Variants in MBTD1 observed in about 807,000 individuals in gnomAD.
MBTD1 encodes mbt domain containing 1, also known as MBT domain-containing protein 1.
A neutral mutation model predicts 87.8 loss-of-function variants in MBTD1; 24 were observed. That is an observed-to-expected ratio of 0.27 (90% CI 0.20 to 0.38). MBTD1 has a LOEUF of 0.38. Among genes scored for constraint, MBTD1 ranks in the 10% least tolerant of loss-of-function variants. The pLI is 1.00. For synonymous variants in MBTD1, 237 were observed against 248.6 expected, an observed-to-expected ratio of 0.95 and a Z score of 0.44; for missense variants, 436 against 760.2, an observed-to-expected ratio of 0.57 and a Z score of 5.02.
rs190596624 is a variant in MBTD1 at position 51,236,647 on chromosome 17, C to T, written c.-48-11438G>A. Among the ~76,000 whole-genome samples, 39 of 152,254 alleles carry T rather than the reference C, an allele frequency of 2.6e-4. No individual in the cohort carries two copies. The South Asian group carries it at 2.9e-3, about 11-fold the overall frequency. On this transcript the variant is annotated intron_variant, in intron 2 of 16. Transcript: ENST00000586178. ...CAGTTCAATGGTGTGGCACAAGGCC[C>T]GAGGCAGGGAGGCCTCTGCTGCCCT...
At chr17:51,197,061 T>C (rs1210654599) in intron 12 of MBTD1, among the ~76,000 whole-genome samples, 1 of 1,432 alleles carries the variant, frequency 7.0e-4, no homozygotes, top group Admixed American at 8.6e-3. Flanking sequence ...TATATATATA[T>C]ATATATATAT....
intron 3 of MBTD1, among the ~76,000 whole-genome samples, chr17:51,221,089 T>C (rs1334107375): frequency 6.6e-6 from 1 of 151,728 alleles, no homozygotes; most frequent in African/African-American, 2.4e-5. Flanking sequence ...AGGCCAGGAG[T>C]ATGGGACCAG....
intron 7 of MBTD1, among the ~76,000 whole-genome samples, chr17:51,206,104 AT>A (rs1028830924): frequency 4.6e-5 from 7 of 152,272 alleles, no homozygotes; most frequent in Admixed American, 4.6e-4. Flanking sequence ...TCTGGATATC[AT>A]CTTTTGTCCA....
At chr17:51,213,629 G>C (rs894132159) in intron 6 of MBTD1, among the ~76,000 whole-genome samples, 3 of 151,998 alleles carry the variant, frequency 2.0e-5, no homozygotes, top group African/African-American at 7.2e-5. Flanking sequence ...CAACAAAGTA[G>C]CAAGTATTCT....
chr17:51,206,473 T>C (rs1373800377), intron 7 of MBTD1, among the ~76,000 whole-genome samples: 2 of 152,200 alleles, frequency 1.3e-5, no homozygotes, highest in African/African-American at 4.8e-5. Flanking sequence ...TTATGGCCTA[T>C]ATATCTGGTC....
intron 3 of MBTD1, 23 bp from the exon 4 acceptor site, chr17:51,220,486 T>C: frequency 6.6e-7 from 1 of 1,524,684 alleles, no homozygotes; most frequent in East Asian, 2.5e-5. Flanking sequence ...ATAAAAACAC[T>C]GGTGTTATGA....
At position 51,179,789 on chromosome 17, in the gene MBTD1, A is replaced by G. The variant is rs1352351900; in HGVS notation, c.*787T>C. 1 of 151,862 alleles carries G rather than the reference A, an allele frequency of 6.6e-6. No individual in the cohort carries two copies. Among genetic ancestry groups the G allele is most frequent in the African/African-American group, 2.4e-5 (1 of 41,356 alleles). 9.4% of individuals were successfully genotyped at this position (151,862 alleles called of 1,614,324 possible). A position where few individuals can be genotyped will look rare whatever the true frequency, so the allele number is the denominator to read the frequency against. ...GGGTATTTTTTTTAGAAAGGAAAAT[A>G]AACTAAGGACAACATTACATTTTCC... is the stretch of plus-strand genomic sequence containing the variant. On this transcript the variant is annotated 3_prime_UTR_variant, in exon 17 of 17. Coordinates refer to ENST00000586178, the MANE Select transcript of MBTD1 (RefSeq NM_017643.3).
At chr17:51,252,066 T>C (rs1254894558) in intron 2 of MBTD1, among the ~76,000 whole-genome samples, 1 of 152,224 alleles carries the variant, frequency 6.6e-6, no homozygotes, top group Non-Finnish European at 1.5e-5. Context: ...CACCCAACCA[T>C]GTTGGACTAT....
At chr17:51,212,960 C>T (rs1402237162) in intron 6 of MBTD1, among the ~76,000 whole-genome samples, 1 of 152,180 alleles carries the variant, frequency 6.6e-6, no homozygotes, top group Non-Finnish European at 1.5e-5. Flanking sequence ...GAACTGCTGA[C>T]CTTGTGATCC....
chr17:51,234,742 G>A (rs2053738024), intron 2 of MBTD1, among the ~76,000 whole-genome samples: 1 of 152,222 alleles, frequency 6.6e-6, no homozygotes, highest in Non-Finnish European at 1.5e-5. Flanking sequence ...CGCCCAGGCT[G>A]GAGCGCAATG....
chr17:51,225,126 T>C lies in MBTD1; in HGVS notation c.36A>G (p.Thr12=), dbSNP rs1436213165. The change falls in exon 3 of 17, where the codon ACA becomes ACG. Residue 12 remains threonine (T), a synonymous_variant. Coordinates refer to ENST00000586178, the MANE Select transcript of MBTD1 (RefSeq NM_017643.3). ...FDGYDSCSED[T]SSSSSSEESE... ...TCTCTTCGGAGCTGGAGCTGCTGCT[T>C]GTGTCCTCACTGCAGCTATCATAAC... 2 of 1,551,048 alleles carry C rather than the reference T, an allele frequency of 1.3e-6. No individual in the cohort carries two copies. Among genetic ancestry groups the C allele is most frequent in the East Asian group, 4.9e-5 (2 of 40,906 alleles).
chr17:51,239,056 T>A (rs1192840376), intron 2 of MBTD1, among the ~76,000 whole-genome samples: 2 of 150,684 alleles, frequency 1.3e-5, no homozygotes, highest in Non-Finnish European at 2.9e-5. Context: ...GCCAAGATCA[T>A]GCCACTGCAC....
At chr17:51,239,544 C>A (rs974209991) in intron 2 of MBTD1, among the ~76,000 whole-genome samples, 1 of 152,126 alleles carries the variant, frequency 6.6e-6, no homozygotes, top group Non-Finnish European at 1.5e-5. Context: ...ATGCTTTAAG[C>A]CCTTTTACCT....
intron 6 of MBTD1, among the ~76,000 whole-genome samples, chr17:51,216,782 C>T (rs551820657): frequency 1.3e-5 from 2 of 152,296 alleles, no homozygotes; most frequent in African/African-American, 2.4e-5. Context: ...AGAAGTCTCA[C>T]TCTGTAGCCC....
At chr17:51,249,788 T>C (rs755370253) in intron 2 of MBTD1, 2 of 152,232 alleles carry the variant, frequency 1.3e-5, no homozygotes, top group East Asian at 1.9e-4. Context: ...TACAGTACAC[T>C]GTATTTTTTT....
intron 2 of MBTD1, among the ~76,000 whole-genome samples, chr17:51,225,616 C>T (rs1202721932): frequency 3.9e-5 from 6 of 151,940 alleles, no homozygotes; most frequent in Non-Finnish European, 8.8e-5. Context: ...TCAAGCCTCC[C>T]AGAGTGCTCG....
intron 12 of MBTD1, among the ~76,000 whole-genome samples, chr17:51,200,556 T>A: frequency 2.2e-5 from 1 of 45,296 alleles, no homozygotes; most frequent in African/African-American, 1.2e-4. Context: ...CGAGATACCA[T>A]CTCAAAAAAA....
chr17:51,207,848 A>T (rs189456507), intron 6 of MBTD1, among the ~76,000 whole-genome samples: 6 of 152,354 alleles, frequency 3.9e-5, no homozygotes, highest in Admixed American at 2.6e-4. Context: ...TAAATCAAAT[A>T]AGCAAATTTA....
chr17:51,243,056 T>C (rs1182908783), intron 2 of MBTD1, among the ~76,000 whole-genome samples: 1 of 152,226 alleles, frequency 6.6e-6, no homozygotes, highest in African/African-American at 2.4e-5. Flanking sequence ...GTGTTTATAC[T>C]GTGCATGGTA....
Sources: allele counts gnomAD v4.1 joint callset (sites outside exome capture counted in the v4.1 genomes callset), GRCh38; gene constraint gnomAD v4.1.1; transcripts MANE v1.5; gene names NCBI Gene and HGNC (gene_info 2026-07-23, HGNC 2026-07-21).